Variants in EMG1 observed in about 807,000 individuals in gnomAD.
The protein encoded by EMG1 is ribosomal RNA small subunit methyltransferase NEP1.
In EMG1, 24 loss-of-function variants were observed where a neutral mutation model predicts 26.9. The observed-to-expected ratio is 0.89, with a 90% CI of 0.65 to 1.26. EMG1 has a LOEUF of 1.26. Ranked by LOEUF, EMG1 falls within the 50% of genes most tolerant of loss-of-function variation. EMG1 has a pLI of 0.00. For missense variants in EMG1, 299 were observed against 307.6 expected (o/e 0.97, Z 0.21); for synonymous variants, 140 against 112.6 (o/e 1.24, Z -1.54).
chr12:6,979,489 G>T lies in EMG1; in HGVS notation c.*3680G>T. The T allele has an allele frequency of 6.2e-7, 1 of 1,612,778 alleles. No homozygotes were observed. The highest frequency in any genetic ancestry group is 8.5e-7 in the Non-Finnish European group (1 of 1,178,720). On this transcript the variant is annotated 3_prime_UTR_variant, in exon 6 of 6. Coordinates refer to ENST00000599672, the MANE Select transcript of EMG1 (RefSeq NM_006331.8). ...CACTCACGTCATAGTCTTCAGTGAG[G>T]AGATAGTCTTCTGTGATGTGGGGGC...
rs976221495 is a variant in EMG1 at position 6,979,102 on chromosome 12, C to T, written c.*3293C>T. 3 of 300,850 alleles carry T rather than the reference C, an allele frequency of 1.0e-5. No homozygotes were observed. Among genetic ancestry groups the T allele is most frequent in the Non-Finnish European group, 1.9e-5 (3 of 161,246 alleles). The allele number at this position is 300,850 out of a possible 1,614,324, so 18.6% of individuals were successfully genotyped here. On this transcript the variant is annotated 3_prime_UTR_variant, in exon 6 of 6. Coordinates refer to ENST00000599672, the MANE Select transcript of EMG1 (RefSeq NM_006331.8). ...CAAAAGCCAGCACTTCCCCCCTTCC[C>T]TTGGTTTCTGAATTCCCTAGAAGTG...
downstream of EMG1, among the ~76,000 whole-genome samples, chr12:6,992,240 G>T (rs73264636): frequency 1.3e-5 from 2 of 151,870 alleles, no homozygotes; most frequent in African/African-American, 4.8e-5. Flanking sequence ...GGAGGCTGAG[G>T]TAGCATCACC....
At position 6,974,436 on chromosome 12, in the gene EMG1, A is replaced by G; in HGVS notation, c.266A>G (p.His89Arg). 6.2e-7 allele frequency: 1 copy of G among 1,613,436 alleles called. No individual in the cohort carries two copies. The highest frequency in any genetic ancestry group is 8.5e-7 in the Non-Finnish European group (1 of 1,179,444). ...DPGEARPDIT[H>R]QSLLMLMDSP... ...GGGGAAGCGCGGCCAGATATCACCC[A>G]CCAGGTAACTCCAGGGACAGTGCTC... Residue 89 changes from histidine to arginine, a missense_variant, in exon 2 of 6, where the codon CAC (histidine) becomes CGC (arginine). By Grantham distance (29) the His-to-Arg change is conservative (BLOSUM62 0). Coordinates refer to ENST00000599672, the MANE Select transcript of EMG1 (RefSeq NM_006331.8).
At chr12:6,982,765 A>G (rs1038969871), downstream of EMG1, 4 of 1,613,378 alleles carry the variant, frequency 2.5e-6, no homozygotes, top group African/African-American at 5.3e-5. Flanking sequence ...CACAGCAGGG[A>G]GTGGTAGAGC....
At chr12:6,973,944 C>T (rs1196423993) in intron 1 of EMG1, among the ~76,000 whole-genome samples, 1 of 152,262 alleles carries the variant, frequency 6.6e-6, no homozygotes, top group Non-Finnish European at 1.5e-5. Flanking sequence ...CTACTTACTG[C>T]TCCTGTAATA....
rs1555152652 is a variant in EMG1 at position 6,974,244 on chromosome 12, G to C, written c.169-95G>C. 4.6e-6 allele frequency: 4 copies of C among 873,306 alleles called. No individual in the cohort carries two copies. In the East Asian group the frequency reaches 8.0e-5, roughly 17 times the overall value. 54.1% of individuals were successfully genotyped at this position (873,306 alleles called of 1,614,324 possible). On this transcript the variant is annotated intron_variant, in intron 1 of 5. Transcript: ENST00000599672. ...TTTGCCTAACAAGTTTCCAGGTGCA[G>C]CTGCTGCTGGTAGTTTGGGGACCAC...
Position 6,977,584 on chromosome 12 carries a change from C to T in EMG1, c.*1775C>T. 1 of 1,614,176 alleles carries T rather than the reference C, an allele frequency of 6.2e-7. No individual in the cohort carries two copies. The highest frequency in any genetic ancestry group is 8.5e-7 in the Non-Finnish European group (1 of 1,180,032). ...TCCCTTATATTCCCCTTCACCCCCA[C>T]CCTGGAGGCCTACCTGTCTTTCCAC... On this transcript the variant is annotated 3_prime_UTR_variant, in exon 6 of 6. Transcript: ENST00000599672. The surrounding 1 kb of genome is among the most constrained non-coding windows in gnomAD (Gnocchi z 4.5).
At chr12:6,984,817 TCAA>T (rs1946505063), downstream of EMG1, among the ~76,000 whole-genome samples, 1 of 152,112 alleles carries the variant, frequency 6.6e-6, no homozygotes, top group African/African-American at 2.4e-5. Flanking sequence ...CCTCCTGGGC[TCAA>T]GGAATCTTCC....
downstream of EMG1, among the ~76,000 whole-genome samples, chr12:6,990,748 C>T (rs1277347824): frequency 6.7e-6 from 1 of 149,710 alleles, no homozygotes; most frequent in Non-Finnish European, 1.5e-5. Flanking sequence ...CATGGTGAAA[C>T]CCTACTAAAA....
chr12:6,975,021 CTTGT>C, intron 3 of EMG1, 65 bp from the exon 4 acceptor site: 1 of 1,498,328 alleles, frequency 6.7e-7, no homozygotes, highest in Non-Finnish European at 9.3e-7. Flanking sequence ...TGGGGTTTTC[CTTGT>C]TCGATGACTG....
At chr12:6,981,741 C>T, downstream of EMG1, 1 of 1,440,958 alleles carries the variant, frequency 6.9e-7, no homozygotes, top group Middle Eastern at 1.8e-4. Context: ...AGGGGGGGTG[C>T]CGAGGAAGTT....
downstream of EMG1, chr12:6,983,255 T>C (rs781977381): frequency 3.7e-5 from 21 of 562,206 alleles, no homozygotes; most frequent in Non-Finnish European, 6.7e-5. Flanking sequence ...GACAGAAGAA[T>C]GTACATAAAA....
downstream of EMG1, among the ~76,000 whole-genome samples, chr12:6,983,959 A>G (rs1273163521): frequency 6.6e-6 from 1 of 152,214 alleles, no homozygotes; most frequent in Non-Finnish European, 1.5e-5. Context: ...CCTGAGCAAC[A>G]TAGCGAAACC....
intron 1 of EMG1, among the ~76,000 whole-genome samples, chr12:6,973,338 T>G (rs1946355411): frequency 6.6e-6 from 1 of 151,908 alleles, no homozygotes; most frequent in South Asian, 2.1e-4. Context: ...CAGCTAATTT[T>G]TGTATTTTTA....
rs189817655 is a variant in EMG1 at position 6,976,060 on chromosome 12, C to G, written c.*251C>G. On this transcript the variant is annotated 3_prime_UTR_variant, in exon 6 of 6. Transcript: ENST00000599672. ...GACTTCAGGGACAGATAGGAGGTTA[C>G]AGAGTTTGCAGTTTGGTTCCATGCT... 2.9e-5 allele frequency: 11 copies of G among 383,152 alleles called. No individual in the cohort carries two copies. Among genetic ancestry groups the G allele is most frequent in the Non-Finnish European group, 4.7e-5 (10 of 210,908 alleles). 23.7% of individuals were successfully genotyped at this position (383,152 alleles called of 1,614,324 possible).
downstream of EMG1, among the ~76,000 whole-genome samples, chr12:6,990,903 C>T (rs1591551270): frequency 8.4e-6 from 1 of 118,472 alleles, no homozygotes; most frequent in Admixed American, 1.0e-4. Flanking sequence ...GGCAACAGAG[C>T]GAGACTCCAA....
intron 1 of EMG1, among the ~76,000 whole-genome samples, chr12:6,973,899 A>T (rs57175002): frequency 1.3e-5 from 2 of 152,232 alleles, no homozygotes; most frequent in Non-Finnish European, 2.9e-5. Context: ...GGTGTACGCA[A>T]ACTGAGGGTG....
chr12:6,988,444 C>T (rs1333430341), downstream of EMG1: 2 of 152,246 alleles, frequency 1.3e-5, no homozygotes, highest in Non-Finnish European at 2.9e-5. Flanking sequence ...CCGCTCAGCT[C>T]AGCGGGCTTT....
In EMG1 at chr12:6,985,167, G is replaced by A. The variant is rs782785478; in HGVS notation, c.*154+1961G>A. On this transcript the variant is annotated intron_variant and NMD_transcript_variant, in intron 6 of 7. Coordinates refer to the EMG1 transcript ENST00000261406. ...AGCACTATGGGAGGCTGAGACGGGC[G>A]GATCATGAGGACAGGAGATCGAGAC... 2.4e-4 allele frequency among the ~76,000 whole-genome samples: 37 copies of A among 151,072 alleles called. 1 individual carries two copies. In the South Asian group the frequency reaches 6.7e-3, roughly 28 times the overall value.
Sources: gnomAD v4.1 joint callset for allele counts (sites outside exome capture counted in the v4.1 genomes callset) on GRCh38, gnomAD v4.1.1 for gene constraint, Gnocchi (gnomAD v3.1) non-coding constraint, MANE v1.5 for transcripts, NCBI Gene and HGNC (gene_info 2026-07-23, HGNC 2026-07-21) for gene names.